Variants in C10orf90 observed in about 807,000 individuals in gnomAD.
C10orf90 encodes (E2-independent) E3 ubiquitin-conjugating enzyme FATS.
A neutral mutation model predicts 62.5 loss-of-function variants in C10orf90; 56 were observed. The ratio of observed to expected loss-of-function variants is 0.90; its 90% CI spans 0.72 to 1.12. The LOEUF (loss-of-function observed/expected upper bound fraction) is 1.12, where lower values mean the gene tolerates loss of function less well. C10orf90 is among the 50% of genes most tolerant of loss of function. C10orf90 has a pLI of 0.00. For missense variants in C10orf90, 970 were observed against 880.4 expected (o/e 1.10, Z -1.29); for synonymous variants, 386 against 340.4 (o/e 1.13, Z -1.47).
At chr10:126,642,085 C>T (rs111891189) in intron 2 of C10orf90, among the ~76,000 whole-genome samples, 6 of 152,246 alleles carry the variant, frequency 3.9e-5, no homozygotes, top group South Asian at 4.1e-4. Flanking sequence ...GGCTACCACC[C>T]GCATCACTGA....
chr10:126,556,670 A>G (rs1335290204), intron 2 of C10orf90, among the ~76,000 whole-genome samples: 3 of 152,148 alleles, frequency 2.0e-5, no homozygotes, highest in Non-Finnish European at 4.4e-5. Flanking sequence ...CCTTTAAGGG[A>G]CAAGGTAATC....
rs75083308 is a variant in C10orf90, at chr10:126,619,495, C to T, written c.313+27070G>A. 2.0e-3 allele frequency among the ~76,000 whole-genome samples: 302 copies of T among 152,308 alleles called. 3 individuals are homozygous for T. Among genetic ancestry groups the T allele is most frequent in the Non-Finnish European group, 2.6e-3 (176 of 68,032 alleles). On this transcript the variant is annotated intron_variant, in intron 2 of 9. Coordinates refer to ENST00000488181, the MANE Select transcript of C10orf90 (RefSeq NM_001350921.2). Reference sequence around the variant, plus strand: ...TTTTACCTTCTGGTGGGTGATAACTCATCAAAGTTTTAATTTGCATTTCCT... The same window carrying T: ...TTTTACCTTCTGGTGGGTGATAACTTATCAAAGTTTTAATTTGCATTTCCT...
chr10:126,466,167 C>A (rs1156402902), intron 4 of C10orf90, among the ~76,000 whole-genome samples: 1 of 152,102 alleles, frequency 6.6e-6, no homozygotes, highest in African/African-American at 2.4e-5. Context: ...ATGGCCCCAC[C>A]ATTGCTGCCA....
At chr10:126,521,455 A>T in intron 2 of C10orf90, 1 of 1,509,078 alleles carries the variant, frequency 6.6e-7, no homozygotes, top group Non-Finnish European at 8.8e-7. Context: ...TCAGGCTTCC[A>T]CCTTCCAGCC....
chr10:126,452,063 G>C (rs1193558626), intron 7 of C10orf90, among the ~76,000 whole-genome samples: 1 of 152,070 alleles, frequency 6.6e-6, no homozygotes, highest in East Asian at 1.9e-4. Flanking sequence ...ATTACTGGGA[G>C]TAGTATTAAT....
chr10:126,465,122 A>G, intron 4 of C10orf90, 136 bp from the exon 5 acceptor site: 1 of 823,430 alleles, frequency 1.2e-6, no homozygotes. Context: ...TAGGAGGGCC[A>G]TCTGTATACA....
intron 2 of C10orf90, among the ~76,000 whole-genome samples, chr10:126,585,274 A>T (rs1240729386): frequency 6.6e-6 from 1 of 151,138 alleles, no homozygotes; most frequent in Non-Finnish European, 1.5e-5. Flanking sequence ...AGAAAGAAAG[A>T]AAAAGAAACA....
chr10:126,557,952 C>G (rs1864815494), intron 2 of C10orf90, among the ~76,000 whole-genome samples: 1 of 152,038 alleles, frequency 6.6e-6, no homozygotes, highest in African/African-American at 2.4e-5. Flanking sequence ...GAGTCAGGAA[C>G]CTGGAAGCAT....
chr10:126,592,436 A>G (rs758575277), intron 2 of C10orf90, among the ~76,000 whole-genome samples: 2 of 152,168 alleles, frequency 1.3e-5, no homozygotes, highest in Non-Finnish European at 2.9e-5. Flanking sequence ...AAAACAAGCA[A>G]TGGGTAAAGG....
At chr10:126,641,232 C>T (rs77819971) in intron 2 of C10orf90, among the ~76,000 whole-genome samples, 1,961 of 152,072 alleles carry the variant, frequency 0.013, 32 homozygotes, top group African/African-American at 0.043. Context: ...TGAATCATGA[C>T]GAAGGGTATA....
chr10:126,574,910 C>G (rs1844579288), intron 2 of C10orf90, among the ~76,000 whole-genome samples: 1 of 152,082 alleles, frequency 6.6e-6, no homozygotes, highest in African/African-American at 2.4e-5. Context: ...TTTCATTTCT[C>G]TTGGTAGAAT....
chr10:126,440,993 A>T (rs1858281607), intron 7 of C10orf90, among the ~76,000 whole-genome samples: 1 of 152,208 alleles, frequency 6.6e-6, no homozygotes, highest in Non-Finnish European at 1.5e-5. Flanking sequence ...TCCCCCAAAA[A>T]TCACACTGGC....
intron 7 of C10orf90, among the ~76,000 whole-genome samples, chr10:126,458,273 AC>A (rs1234963879): frequency 1.3e-5 from 2 of 152,142 alleles, no homozygotes; most frequent in Admixed American, 6.5e-5. Context: ...AGGGGCCAAA[AC>A]ATTTTCCTAG....
At chr10:126,645,638 C>A (rs977253010) in intron 2 of C10orf90, among the ~76,000 whole-genome samples, 7 of 151,022 alleles carry the variant, frequency 4.6e-5, no homozygotes, top group Admixed American at 2.0e-4. Context: ...TTCGGGACTA[C>A]CAGAAAGGAT....
chr10:126,634,544 A>G (rs949499071), intron 2 of C10orf90, among the ~76,000 whole-genome samples: 14 of 152,162 alleles, frequency 9.2e-5, no homozygotes, highest in Non-Finnish European at 1.9e-4. Context: ...TCCACTATAC[A>G]ACATTGCACC....
chr10:126,574,839 G>A (rs1405578018), intron 2 of C10orf90, among the ~76,000 whole-genome samples: 1 of 152,126 alleles, frequency 6.6e-6, no homozygotes, highest in Non-Finnish European at 1.5e-5. Context: ...CTCTGAATGT[G>A]CCTAATCTCA....
At chr10:126,466,359 C>T (rs1860288153) in intron 4 of C10orf90, among the ~76,000 whole-genome samples, 1 of 129,176 alleles carries the variant, frequency 7.7e-6, no homozygotes, top group African/African-American at 3.4e-5. Context: ...TAAAAACACA[C>T]ACACACACAC....
At chr10:126,495,211 T>G (rs764567219) in intron 4 of C10orf90, among the ~76,000 whole-genome samples, 1 of 152,172 alleles carries the variant, frequency 6.6e-6, no homozygotes, top group African/African-American at 2.4e-5. Flanking sequence ...GACTGAGACA[T>G]GTTCACTGCA....
chr10:126,483,588 G>A (rs1173198043), intron 4 of C10orf90, among the ~76,000 whole-genome samples: 1 of 152,186 alleles, frequency 6.6e-6, no homozygotes, highest in Non-Finnish European at 1.5e-5. Flanking sequence ...CATTCCTTTT[G>A]TTTGTGATTT....
Sources: allele counts gnomAD v4.1 joint callset (sites outside exome capture counted in the v4.1 genomes callset), GRCh38; gene constraint gnomAD v4.1.1; transcripts MANE v1.5; gene names NCBI Gene and HGNC (gene_info 2026-07-23, HGNC 2026-07-21).